C8orf34: variants seen among roughly 807,000 people sequenced by gnomAD.
C8orf34 encodes the protein chromosome 8 open reading frame 34, also known as uncharacterized protein C8orf34.
In C8orf34, 65 loss-of-function variants were observed where a neutral mutation model predicts 68.3. The observed-to-expected ratio is 0.95, with a 90% CI of 0.78 to 1.17. The LOEUF (loss-of-function observed/expected upper bound fraction) is 1.17, where lower values mean the gene tolerates loss of function less well. Among genes scored for constraint, C8orf34 ranks in the 50% most tolerant of loss-of-function variants. The probability of loss-of-function intolerance (pLI) is 0.00; values close to 1 mark genes in which losing one functional copy is unlikely to be tolerated. For synonymous variants in C8orf34, 244 were observed against 241.2 expected (o/e 1.01, Z -0.11); for missense variants, 664 against 655.4 (o/e 1.01, Z -0.14).
intron 10 of C8orf34, among the ~76,000 whole-genome samples, chr8:68,725,187 A>C (rs1821795090): frequency 2.0e-5 from 3 of 152,200 alleles, no homozygotes; most frequent in Non-Finnish European, 4.4e-5. Flanking sequence ...TTTGCTGTAA[A>C]AGTATTAAAT....
At chr8:68,665,446 C>T (rs1004781213) in intron 8 of C8orf34, among the ~76,000 whole-genome samples, 4 of 152,156 alleles carry the variant, frequency 2.6e-5, no homozygotes, top group Admixed American at 6.5e-5. Context: ...TTGTTGCATA[C>T]GGGTGGTTGG....
At chr8:68,660,789 C>T (rs139810066) in intron 8 of C8orf34, among the ~76,000 whole-genome samples, 13 of 152,222 alleles carry the variant, frequency 8.5e-5, no homozygotes, top group Middle Eastern at 3.4e-3. Flanking sequence ...TCCTATGAAT[C>T]GGGGTCCTGG....
Position 68,747,220 on chromosome 8 carries a change from T to C in C8orf34, c.1404+25783T>C, listed in dbSNP as rs1409908902. Among the ~76,000 whole-genome samples the C allele has an allele frequency of 7.0e-4, 106 of 151,906 alleles. 1 individual carries two copies. The East Asian group carries it at 0.019, about 27-fold the overall frequency. On this transcript the variant is annotated intron_variant, in intron 10 of 13. Transcript: ENST00000518698. ...TAAAAACTCTCAATAAATTAGGTAT[T>C]GATGGGACGTATTTCAAAATAATAA... is the stretch of plus-strand genomic sequence containing the variant.
intron 10 of C8orf34, among the ~76,000 whole-genome samples, chr8:68,772,706 T>C (rs1455885659): frequency 3.2e-5 from 4 of 125,602 alleles, no homozygotes; most frequent in East Asian, 2.7e-4. Context: ...TCCCTCCCTC[T>C]CTTTCTTTCT....
intron 7 of C8orf34, among the ~76,000 whole-genome samples, chr8:68,562,286 G>A (rs1477195393): frequency 1.3e-5 from 2 of 152,100 alleles, no homozygotes; most frequent in Admixed American, 6.5e-5. Flanking sequence ...ATTGACCAAA[G>A]CATCTGTATT....
intron 1 of C8orf34, among the ~76,000 whole-genome samples, chr8:68,334,074 G>A (rs952477016): frequency 1.3e-5 from 2 of 152,052 alleles, no homozygotes; most frequent in Non-Finnish European, 2.9e-5. Context: ...TACCTGTAGG[G>A]CTTATTTACC....
At chr8:68,649,858 T>C (rs1819292087) in intron 8 of C8orf34, among the ~76,000 whole-genome samples, 1 of 152,146 alleles carries the variant, frequency 6.6e-6, no homozygotes, top group Admixed American at 6.5e-5. Context: ...AAAAAACCTC[T>C]GTAGACTTCA....
intron 7 of C8orf34, among the ~76,000 whole-genome samples, chr8:68,583,477 C>T (rs1244041087): frequency 2.0e-5 from 3 of 152,160 alleles, no homozygotes; most frequent in South Asian, 2.1e-4. Flanking sequence ...GAATCTAAAA[C>T]GTATTCCCTA....
chr8:68,447,122 G>T, intron 3 of C8orf34: 1 of 153,690 alleles, frequency 6.5e-6, no homozygotes, highest in South Asian at 1.9e-4. Flanking sequence ...AGAAGGTGAA[G>T]GGGTGCACGC....
intron 10 of C8orf34, among the ~76,000 whole-genome samples, chr8:68,747,897 T>C (rs1273199413): frequency 6.6e-6 from 1 of 152,264 alleles, no homozygotes; most frequent in East Asian, 1.9e-4. Flanking sequence ...TTAATGTTCA[T>C]ATGGAATCAA....
chr8:68,539,137 A>C (rs567775049), intron 7 of C8orf34, among the ~76,000 whole-genome samples: 2 of 152,174 alleles, frequency 1.3e-5, no homozygotes, highest in Non-Finnish European at 2.9e-5. Flanking sequence ...ACCTAAACTA[A>C]ATTGAAAAGC....
chr8:68,448,488 G>A (rs1334483434), intron 3 of C8orf34, among the ~76,000 whole-genome samples: 1 of 152,106 alleles, frequency 6.6e-6, no homozygotes, highest in East Asian at 1.9e-4. Flanking sequence ...ATTGTGATGA[G>A]TTAAAGATGC....
chr8:68,481,661 T>G (rs904682091), intron 4 of C8orf34, among the ~76,000 whole-genome samples: 1 of 152,224 alleles, frequency 6.6e-6, no homozygotes, highest in Non-Finnish European at 1.5e-5. Flanking sequence ...GAGATCATTT[T>G]GGAGCTTTAA....
At chr8:68,344,511 C>A (rs560650789) in intron 1 of C8orf34, among the ~76,000 whole-genome samples, 1 of 152,036 alleles carries the variant, frequency 6.6e-6, no homozygotes, top group Middle Eastern at 3.2e-3. Context: ...TTATGATATT[C>A]TTCTATAGTT....
At chr8:68,609,024 A>G (rs1050115267) in intron 7 of C8orf34, among the ~76,000 whole-genome samples, 1 of 152,124 alleles carries the variant, frequency 6.6e-6, no homozygotes, top group Non-Finnish European at 1.5e-5. Flanking sequence ...AAAATAAAAC[A>G]TTAGCTGGGT....
chr8:68,728,959 C>T (rs1049223495), intron 10 of C8orf34, among the ~76,000 whole-genome samples: 13 of 152,170 alleles, frequency 8.5e-5, no homozygotes, highest in Admixed American at 5.9e-4. Flanking sequence ...AAATTTCTCA[C>T]ATATGCCATA....
chr8:68,637,622 A>G (rs1459219369), intron 7 of C8orf34, among the ~76,000 whole-genome samples: 12 of 152,332 alleles, frequency 7.9e-5, no homozygotes, highest in Middle Eastern at 3.4e-3. Context: ...GTGAATCTCT[A>G]TTAATCTCTT....
At chr8:68,791,674 C>T (rs574377834) in intron 12 of C8orf34, 1 of 152,296 alleles carries the variant, frequency 6.6e-6, no homozygotes, top group East Asian at 1.9e-4. Context: ...AAAGCTAATG[C>T]TGTCATAAAA....
rs1812619041 is a variant in C8orf34, at chr8:68,476,425, C to A, written c.736+7605C>A. Among the ~76,000 whole-genome samples, 6 of 152,040 alleles carry A rather than the reference C, an allele frequency of 3.9e-5. No homozygotes were observed. The South Asian group carries it at 1.2e-3, about 32-fold the overall frequency. ...AGATGTGTCGTGGAGACAGATATTC[C>A]TGGAAGAGAGAAGCATGTGTGTAAG... is the stretch of plus-strand genomic sequence containing the variant. On this transcript the variant is annotated intron_variant, in intron 4 of 13. Coordinates refer to ENST00000518698, the MANE Select transcript of C8orf34 (RefSeq NM_052958.4).
Sources: allele counts gnomAD v4.1 joint callset (sites outside exome capture counted in the v4.1 genomes callset), GRCh38; gene constraint gnomAD v4.1.1; transcripts MANE v1.5; gene names NCBI Gene and HGNC (gene_info 2026-07-23, HGNC 2026-07-21).